ABCA13: variants seen among roughly 807,000 people sequenced by gnomAD.
The protein encoded by ABCA13 is ATP binding cassette subfamily A member 13.
A neutral mutation model predicts 478.7 loss-of-function variants in ABCA13; 476 were observed. The ratio of observed to expected loss-of-function variants is 0.99; its 90% confidence interval spans 0.92 to 1.07. The LOEUF (loss-of-function observed/expected upper bound fraction) is 1.07. Among genes scored for constraint, ABCA13 ranks in the 50% least tolerant of loss-of-function variants. ABCA13 has a pLI of 0.00. For missense variants in ABCA13, 6,060 were observed against 5,910.6 expected (o/e 1.03, Z -0.83); for synonymous variants, 2,252 against 2,158.9 (o/e 1.04, Z -1.20).
intron 48 of ABCA13, among the ~76,000 whole-genome samples, chr7:48,495,093 G>T (rs1340136550): frequency 6.6e-6 from 1 of 152,160 alleles, no homozygotes; most frequent in Non-Finnish European, 1.5e-5. Context: ...GGAAGAGTTT[G>T]TCATGATTCT....
In ABCA13 at chr7:48,369,205, T is replaced by C. The variant is rs530124052; in HGVS notation, c.10803+1297T>C. Among the ~76,000 whole-genome samples the C allele has an allele frequency of 6.9e-4, 105 of 152,330 alleles. 2 individuals carry two copies. Among genetic ancestry groups the C allele is most frequent in the Admixed American group, 6.2e-3 (95 of 15,302 alleles). On this transcript the variant is annotated intron_variant, in intron 32 of 61. Coordinates refer to ENST00000435803, the MANE Select transcript of ABCA13 (RefSeq NM_152701.5). ...TTGTTGACCATTTGTCTATCTTCTTTTGAGAATTGTCTGTTCACGTCCTTC... is the reference window on the plus strand; with the variant it reads ...TTGTTGACCATTTGTCTATCTTCTTCTGAGAATTGTCTGTTCACGTCCTTC...
chr7:48,413,771 T>G, intron 41 of ABCA13, among the ~76,000 whole-genome samples: 1 of 152,208 alleles, frequency 6.6e-6, no homozygotes, highest in East Asian at 1.9e-4. Context: ...TCATAAAAGA[T>G]TGTGAAACAT....
intron 59 of ABCA13, among the ~76,000 whole-genome samples, chr7:48,624,880 T>G (rs1320567849): frequency 6.6e-6 from 1 of 152,114 alleles, no homozygotes; most frequent in Admixed American, 6.6e-5. Flanking sequence ...CTTTCTTTCT[T>G]TCTTTTTTAT....
At chr7:48,643,512 C>T in intron 60 of ABCA13, 119 bp downstream of exon 60, 1 of 859,820 alleles carries the variant, frequency 1.2e-6, no homozygotes. Flanking sequence ...ACCTTAGCCA[C>T]ATTGCAAAGT....
At chr7:48,262,464 T>G (rs995249084) in intron 15 of ABCA13, among the ~76,000 whole-genome samples, 3 of 151,892 alleles carry the variant, frequency 2.0e-5, no homozygotes, top group African/African-American at 7.2e-5. Context: ...TTTACCCTCT[T>G]TTGATTTCTT....
At position 48,230,306 on chromosome 7, in the gene ABCA13, G is replaced by A. The variant is rs867327125; in HGVS notation, c.763+351G>A. ...TTTCCTCTCTCTAAGCTCCTATTGG[G>A]AGGAAATATTTTAAAAATGGCAAAG... On this transcript the variant is annotated intron_variant, in intron 7 of 61. Coordinates refer to ENST00000435803, the MANE Select transcript of ABCA13 (RefSeq NM_152701.5). Among the ~76,000 whole-genome samples the A allele has an allele frequency of 3.3e-5, 5 of 152,268 alleles. No homozygotes were observed. The South Asian group carries it at 8.3e-4, about 25-fold the overall frequency.
intron 59 of ABCA13, among the ~76,000 whole-genome samples, chr7:48,631,565 A>G (rs1794170228): frequency 6.6e-6 from 1 of 152,062 alleles, no homozygotes; most frequent in African/African-American, 2.4e-5. Context: ...GCCTTATAGC[A>G]TAGTTTGAAT....
At chr7:48,457,535 A>C (rs1825808111) in intron 43 of ABCA13, among the ~76,000 whole-genome samples, 1 of 152,330 alleles carries the variant, frequency 6.6e-6, no homozygotes, top group Middle Eastern at 3.4e-3. Context: ...TTGTTATAGA[A>C]GTGATGCACT....
At chr7:48,506,468 GTC>G in intron 49 of ABCA13, 78 bp downstream of exon 49, 2 of 1,531,110 alleles carry the variant, frequency 1.3e-6, no homozygotes, top group Non-Finnish European at 1.8e-6. Flanking sequence ...GATGACTTTG[GTC>G]TCTCTTTTGC....
At chr7:48,366,560 T>C (rs556332284) in intron 31 of ABCA13, among the ~76,000 whole-genome samples, 10 of 152,046 alleles carry the variant, frequency 6.6e-5, no homozygotes, top group Non-Finnish European at 1.2e-4. Flanking sequence ...CAGGCAGCCT[T>C]TCTGGTCAGC....
intron 26 of ABCA13, among the ~76,000 whole-genome samples, chr7:48,315,589 C>T (rs1215482432): frequency 1.3e-5 from 2 of 151,958 alleles, no homozygotes. Context: ...ACGCCATTCT[C>T]CTGCCTCAGC....
chr7:48,304,653 A>AAAT (rs1203849626), intron 23 of ABCA13, among the ~76,000 whole-genome samples: 7 of 152,230 alleles, frequency 4.6e-5, no homozygotes, highest in Non-Finnish European at 7.3e-5. Flanking sequence ...AGAGTTGAAA[A>AAAT]ACCACCTATT....
At chr7:48,439,376 T>G (rs1823276959) in intron 42 of ABCA13, among the ~76,000 whole-genome samples, 1 of 152,070 alleles carries the variant, frequency 6.6e-6, no homozygotes, top group Admixed American at 6.6e-5. Context: ...TTTACAAGAA[T>G]CTAATAATCA....
At chr7:48,471,436 A>G (rs564486674) in intron 44 of ABCA13, 94 bp from the exon 45 acceptor site, 1 of 1,136,738 alleles carries the variant, frequency 8.8e-7, no homozygotes, top group African/African-American at 1.6e-5. Context: ...TTATCTTGTG[A>G]ACTCTGTTCT....
Position 48,278,705 on chromosome 7 carries a change from T to C in ABCA13, c.7511T>C (p.Met2504Thr), listed in dbSNP as rs1796619804. The part of the protein sequence containing the change: ...PLLEMSGTLV[M>T]LLNDSADLRD... ...TTAGAAATGTCTGGGACTCTGGTCATGCTGTTGAATGACAGTGCTGACCTG... is the reference window on the plus strand; with the variant it reads ...TTAGAAATGTCTGGGACTCTGGTCACGCTGTTGAATGACAGTGCTGACCTG... The change falls in exon 18 of 62, where the codon ATG becomes ACG. Residue 2504 changes from methionine (M) to threonine (T), a missense_variant. By Grantham distance (81) the Met-to-Thr change is moderately conservative (BLOSUM62 -1). This residue lies in a region of ABCA13 where 4,423 missense variants were observed against 4,309.1 expected (regional missense o/e 1.03). Coordinates refer to ENST00000435803, the MANE Select transcript of ABCA13 (RefSeq NM_152701.5). 1 of 1,613,886 alleles carries C rather than the reference T, an allele frequency of 6.2e-7. No individual in the cohort carries two copies. The highest frequency in any genetic ancestry group is 8.5e-7 in the Non-Finnish European group (1 of 1,179,786).
intron 43 of ABCA13, among the ~76,000 whole-genome samples, chr7:48,457,438 A>G (rs1157710211): frequency 2.0e-5 from 3 of 152,154 alleles, no homozygotes; most frequent in Non-Finnish European, 4.4e-5. Context: ...TTGACTCCAG[A>G]TAGCCATTCA....
chr7:48,501,092 C>T (rs188225775), intron 48 of ABCA13, among the ~76,000 whole-genome samples: 14 of 152,238 alleles, frequency 9.2e-5, no homozygotes, highest in Non-Finnish European at 1.9e-4. Context: ...ATAACAAAGT[C>T]AGAACATTCT....
chr7:48,516,029 C>A (rs1832081613), intron 51 of ABCA13, among the ~76,000 whole-genome samples: 1 of 152,028 alleles, frequency 6.6e-6, no homozygotes, highest in Admixed American at 6.6e-5. Flanking sequence ...ATTGCAGAGT[C>A]CTCTGAAGCC....
intron 35 of ABCA13, among the ~76,000 whole-genome samples, chr7:48,377,043 T>G (rs1185510879): frequency 1.3e-5 from 2 of 152,076 alleles, no homozygotes; most frequent in Non-Finnish European, 2.9e-5. Flanking sequence ...TAAAGGCAGC[T>G]GGACAGGGTG....
Sources: allele counts gnomAD v4.1 joint callset (sites outside exome capture counted in the v4.1 genomes callset), GRCh38; gene constraint gnomAD v4.1.1; regional missense constraint gnomAD v4.1.1; transcripts MANE v1.5; gene names NCBI Gene and HGNC (gene_info 2026-07-23, HGNC 2026-07-21).